TMEM132D: variants seen among roughly 807,000 people sequenced by gnomAD.
The protein encoded by TMEM132D is transmembrane protein 132D, also known as mature OL transmembrane protein.
Under a neutral mutation model 62.3 loss-of-function variants are expected in TMEM132D, and 21 were observed. That is an observed-to-expected ratio of 0.34 (90% CI 0.24 to 0.49). TMEM132D has a LOEUF of 0.49. Ranked by LOEUF, TMEM132D falls within the 20% of genes least tolerant of loss-of-function variation. The pLI, the probability that TMEM132D is intolerant of heterozygous loss-of-function variation, is 0.99. For missense variants in TMEM132D, 1,346 were observed against 1,402.8 expected, an observed-to-expected ratio of 0.96 and a Z score of 0.65; for synonymous variants, 621 against 575.6, an observed-to-expected ratio of 1.08 and a Z score of -1.13.
rs150087026 is a variant in TMEM132D, at chr12:129,816,689, G to A, written c.79+86572C>T. On this transcript the variant is annotated intron_variant, in intron 1 of 8. Coordinates refer to ENST00000422113, the MANE Select transcript of TMEM132D (RefSeq NM_133448.3). ...GTAATCACAAGTCTTCCCGAGTCTT[G>A]GGGAAAAGGTTCATTTCTAAGACGT... Among the ~76,000 whole-genome samples the A allele has an allele frequency of 3.8e-3, 583 of 152,272 alleles. 5 individuals carry two copies. The highest frequency in any genetic ancestry group is 0.013 in the African/African-American group (543 of 41,544).
intron 5 of TMEM132D, among the ~76,000 whole-genome samples, chr12:129,094,789 C>T (rs1875045179): frequency 6.6e-6 from 1 of 152,208 alleles, no homozygotes; most frequent in East Asian, 1.9e-4. Context: ...AGCCAAATGT[C>T]CAACAATGAT....
intron 5 of TMEM132D, among the ~76,000 whole-genome samples, chr12:129,098,113 G>A (rs1386212): frequency 0.65 from 98,284 of 152,150 alleles, 31,870 homozygotes; most frequent in East Asian, 0.76. Context: ...AGAAGAATAA[G>A]ATCAGAGGAC....
At chr12:129,490,153 G>T (rs933708944) in intron 3 of TMEM132D, among the ~76,000 whole-genome samples, 2 of 152,076 alleles carry the variant, frequency 1.3e-5, no homozygotes, top group Non-Finnish European at 2.9e-5. Context: ...AGTCAATTTC[G>T]TATTACTGGA....
intron 3 of TMEM132D, among the ~76,000 whole-genome samples, chr12:129,525,205 A>G (rs1034797664): frequency 7.8e-5 from 9 of 115,358 alleles, no homozygotes; most frequent in African/African-American, 2.9e-4. Flanking sequence ...GATTACGGGT[A>G]TGAGCCACGG....
intron 5 of TMEM132D, among the ~76,000 whole-genome samples, chr12:129,145,832 T>C (rs1269758770): frequency 6.6e-6 from 1 of 152,092 alleles, no homozygotes; most frequent in Non-Finnish European, 1.5e-5. Context: ...CCCAGGGGTG[T>C]CCAAGAGAGA....
intron 1 of TMEM132D, among the ~76,000 whole-genome samples, chr12:129,822,437 C>A (rs1872562488): frequency 6.6e-6 from 1 of 152,188 alleles, no homozygotes; most frequent in Admixed American, 6.5e-5. Flanking sequence ...CCAAGGGTCC[C>A]TCCCCAGGGA....
intron 3 of TMEM132D, among the ~76,000 whole-genome samples, chr12:129,399,977 T>C (rs989511018): frequency 6.6e-6 from 1 of 152,090 alleles, no homozygotes; most frequent in Non-Finnish European, 1.5e-5. Context: ...CATTATTTCA[T>C]AAATATTTGG....
At position 129,722,630 on chromosome 12, in the gene TMEM132D, G is replaced by A. The variant is rs149940914; in HGVS notation, c.80-21932C>T. ...GGCCTTTCTCAATGTCAAACCTGCT[G>A]GGTCCCCAAGGTGAGCACTGTGGCT... On this transcript the variant is annotated intron_variant, in intron 1 of 8. Transcript: ENST00000422113. Among the ~76,000 whole-genome samples, 67 of 152,220 alleles carry A rather than the reference G, an allele frequency of 4.4e-4. No individual in the cohort carries two copies. In the East Asian group the frequency reaches 0.012, roughly 28 times the overall value.
intron 1 of TMEM132D, among the ~76,000 whole-genome samples, chr12:129,833,276 C>G (rs1163112075): frequency 2.0e-5 from 3 of 152,136 alleles, no homozygotes; most frequent in African/African-American, 7.2e-5. Flanking sequence ...TGTTCCCTTT[C>G]TGCCCTTGTA....
chr12:129,666,615 G>A (rs1195635658), intron 2 of TMEM132D, among the ~76,000 whole-genome samples: 1 of 152,146 alleles, frequency 6.6e-6, no homozygotes, highest in Non-Finnish European at 1.5e-5. Flanking sequence ...TTAGATTATA[G>A]ATGAGGCCTG....
intron 1 of TMEM132D, among the ~76,000 whole-genome samples, chr12:129,726,411 C>G (rs1410522751): frequency 1.3e-5 from 2 of 151,960 alleles, no homozygotes; most frequent in African/African-American, 4.8e-5. Flanking sequence ...ATTGGGGGAA[C>G]AGCAAGAGCA....
intron 1 of TMEM132D, among the ~76,000 whole-genome samples, chr12:129,876,985 T>C (rs968226670): frequency 1.3e-5 from 2 of 152,108 alleles, no homozygotes; most frequent in Admixed American, 1.3e-4. Context: ...AAACAAACTG[T>C]TGTTATGAGC....
At chr12:129,268,820 A>G (rs1274085114) in intron 4 of TMEM132D, among the ~76,000 whole-genome samples, 2 of 152,082 alleles carry the variant, frequency 1.3e-5, no homozygotes, top group African/African-American at 4.8e-5. Context: ...CATATACACC[A>G]TGGAATACTA....
intron 4 of TMEM132D, among the ~76,000 whole-genome samples, chr12:129,330,257 G>T (rs1366937506): frequency 1.3e-5 from 2 of 152,212 alleles, no homozygotes; most frequent in Non-Finnish European, 2.9e-5. Flanking sequence ...CCCTACTCAT[G>T]CTAATGAGAA....
intron 5 of TMEM132D, among the ~76,000 whole-genome samples, chr12:129,153,962 C>T (rs1182906102): frequency 1.3e-5 from 2 of 152,196 alleles, no homozygotes; most frequent in Non-Finnish European, 2.9e-5. Context: ...GGCTTTTGTC[C>T]ATTCCAGGCA....
intron 3 of TMEM132D, among the ~76,000 whole-genome samples, chr12:129,474,322 T>G (rs567454419): frequency 4.6e-5 from 7 of 152,360 alleles, no homozygotes; most frequent in African/African-American, 1.7e-4. Flanking sequence ...CCATGTACAA[T>G]GGCACCCTAA....
chr12:129,096,191 G>A (rs1019404863), intron 5 of TMEM132D, among the ~76,000 whole-genome samples: 4 of 152,310 alleles, frequency 2.6e-5, no homozygotes, highest in South Asian at 2.1e-4. Flanking sequence ...ACTGAGGCGC[G>A]ATGAGATTAG....
intron 4 of TMEM132D, among the ~76,000 whole-genome samples, chr12:129,239,658 G>A (rs972162206): frequency 6.6e-6 from 1 of 152,182 alleles, no homozygotes; most frequent in African/African-American, 2.4e-5. Context: ...TGATCACAGA[G>A]GCAGAGATGG....
At chr12:129,537,720 G>A (rs1011649435) in intron 2 of TMEM132D, among the ~76,000 whole-genome samples, 2 of 152,212 alleles carry the variant, frequency 1.3e-5, no homozygotes, top group East Asian at 3.8e-4. Context: ...GGAGACCAAA[G>A]AGAAGAGGAA....
Sources: gnomAD v4.1 joint callset for allele counts (sites outside exome capture counted in the v4.1 genomes callset) on GRCh38, gnomAD v4.1.1 for gene constraint, MANE v1.5 for transcripts, NCBI Gene and HGNC (gene_info 2026-07-23, HGNC 2026-07-21) for gene names.